PUS7: variants seen among roughly 807,000 people sequenced by gnomAD.
PUS7 encodes pseudouridylate synthase 7 homolog.
In PUS7, 48 loss-of-function variants were observed where a neutral mutation model predicts 79.8. That is an observed-to-expected ratio of 0.60 (90% CI 0.48 to 0.76). PUS7 has a LOEUF of 0.76. Ranked by LOEUF, PUS7 falls within the 30% of genes least tolerant of loss-of-function variation. The pLI, the probability that PUS7 is intolerant of heterozygous loss-of-function variation, is 0.00. For synonymous variants in PUS7, 286 were observed against 272.2 expected, an observed-to-expected ratio of 1.05 and a Z score of -0.50; for missense variants, 729 against 797.6, an observed-to-expected ratio of 0.91 and a Z score of 1.04.
At chr7:105,475,865 C>T (rs1824087332) in intron 9 of PUS7, among the ~76,000 whole-genome samples, 2 of 152,126 alleles carry the variant, frequency 1.3e-5, no homozygotes, top group Non-Finnish European at 2.9e-5. Context: ...AGCCCCCTAA[C>T]CTCTGTAAGA....
chr7:105,505,948 T>G lies in PUS7; in HGVS notation c.585+7A>C, dbSNP rs1263029371. On this transcript the variant is annotated splice_region_variant and intron_variant, in intron 4 of 15. Transcript: ENST00000469408. ...AATAATTTTTCATATATTTTTGCAT[T>G]AGTTACCTCAATGGCAACACTGGTT... is the stretch of plus-strand genomic sequence containing the variant. 1 of 1,594,536 alleles carries G rather than the reference T, an allele frequency of 6.3e-7. No individual in the cohort carries two copies. The highest frequency in any genetic ancestry group is 1.4e-5 in the African/African-American group (1 of 73,994).
At chr7:105,511,266 C>T (rs1281437679) in intron 1 of PUS7, among the ~76,000 whole-genome samples, 2 of 151,184 alleles carry the variant, frequency 1.3e-5, no homozygotes, top group Admixed American at 1.3e-4. Context: ...AACTCCTGAC[C>T]TCATGATTTG....
At position 105,457,433 on chromosome 7, in the gene PUS7, T is replaced by C. The variant is rs1447355177; in HGVS notation, c.*357A>G. On this transcript the variant is annotated 3_prime_UTR_variant, in exon 16 of 16. Transcript: ENST00000469408. Reference sequence around the variant, plus strand: ...TTAAAATGCATTGTTGTATACTCCATCACAGATGTGTCAAATACTCCTGCT... The same window carrying C: ...TTAAAATGCATTGTTGTATACTCCACCACAGATGTGTCAAATACTCCTGCT... 1 of 166,946 alleles carries C rather than the reference T, an allele frequency of 6.0e-6. No individual in the cohort carries two copies. The highest frequency in any genetic ancestry group is 2.4e-5 in the African/African-American group (1 of 41,766). 10.3% of individuals were successfully genotyped at this position (166,946 alleles called of 1,614,324 possible).
At chr7:105,491,699 A>C (rs1318851081) in intron 6 of PUS7, 82 bp from the exon 7 acceptor site, 1 of 799,012 alleles carries the variant, frequency 1.3e-6, no homozygotes, top group African/African-American at 1.8e-5. Flanking sequence ...TTTAAGTTTT[A>C]ATATAAACAT....
At chr7:105,460,307 C>G (rs7807869) in intron 14 of PUS7, among the ~76,000 whole-genome samples, 1 of 152,058 alleles carries the variant, frequency 6.6e-6, no homozygotes, top group African/African-American at 2.4e-5. Context: ...AAATTACTTA[C>G]GGCATTTACA....
intron 13 of PUS7, among the ~76,000 whole-genome samples, chr7:105,463,183 A>AC (rs1157728582): frequency 6.6e-6 from 1 of 152,182 alleles, no homozygotes; most frequent in Non-Finnish European, 1.5e-5. Context: ...TCACCCGCGC[A>AC]CCTGATGTAG....
In PUS7 at chr7:105,495,098, T is replaced by C. The variant is rs76888161; in HGVS notation, c.842+44A>G. ...TTAGCATGGAAAAAGGAATATACGT[T>C]TCTGTTGCTTTGATTTTGTATAGGC... On this transcript the variant is annotated intron_variant, in intron 6 of 15. Transcript: ENST00000469408. 63,103 of 1,164,100 alleles carry C rather than the reference T, an allele frequency of 0.054. 2,177 individuals are homozygous for C. Among genetic ancestry groups the C allele is most frequent in the South Asian group, 0.11 (8,281 of 73,912 alleles). 72.1% of individuals were successfully genotyped at this position (1,164,100 alleles called of 1,614,324 possible).
chr7:105,474,612 CA>C (rs10540161), intron 9 of PUS7, among the ~76,000 whole-genome samples: 5,597 of 126,296 alleles, frequency 0.044, 128 homozygotes, highest in East Asian at 0.12. Flanking sequence ...ACTAAAAATA[CA>C]AAAAAAAAAA....
chr7:105,489,668 A>G (rs1486904860), intron 7 of PUS7, among the ~76,000 whole-genome samples: 1 of 152,224 alleles, frequency 6.6e-6, no homozygotes, highest in African/African-American at 2.4e-5. Context: ...CAAGGAAGAA[A>G]AAGAACTGGA....
chr7:105,473,045 GC>G (rs1198129625), intron 9 of PUS7, among the ~76,000 whole-genome samples: 3 of 150,908 alleles, frequency 2.0e-5, no homozygotes, highest in Non-Finnish European at 4.4e-5. Context: ...ACAGGCATAA[GC>G]CCCCGTGCCC....
At chr7:105,478,736 G>A (rs1196067212) in intron 9 of PUS7, among the ~76,000 whole-genome samples, 1 of 152,206 alleles carries the variant, frequency 6.6e-6, no homozygotes, top group Non-Finnish European at 1.5e-5. Context: ...TAAACTGAAA[G>A]TCTGTTTTTT....
intron 13 of PUS7, among the ~76,000 whole-genome samples, chr7:105,464,562 T>C (rs1251079739): frequency 1.3e-5 from 2 of 152,214 alleles, no homozygotes; most frequent in African/African-American, 4.8e-5. Context: ...CTTCTTCGCC[T>C]GTCTCTGGAT....
At chr7:105,514,940 G>A (rs1586185049) in intron 1 of PUS7, among the ~76,000 whole-genome samples, 1 of 151,974 alleles carries the variant, frequency 6.6e-6, no homozygotes, top group East Asian at 2.0e-4. Context: ...GACTACAGGC[G>A]CCCGCCACCA....
intron 6 of PUS7, 140 bp downstream of exon 6, chr7:105,495,002 A>C (rs1215255370): frequency 1.9e-6 from 1 of 521,814 alleles, no homozygotes; most frequent in African/African-American, 2.0e-5. Flanking sequence ...AGAAAGAAAG[A>C]AAGAAAGAAA....
intron 7 of PUS7, among the ~76,000 whole-genome samples, chr7:105,487,249 G>A (rs6971072): frequency 0.18 from 26,647 of 151,850 alleles, 2,337 homozygotes; most frequent in African/African-American, 0.2. Flanking sequence ...AGTCACTCCC[G>A]TTTCCTCTCC....
intron 1 of PUS7, among the ~76,000 whole-genome samples, chr7:105,514,817 A>G (rs1825832940): frequency 6.8e-6 from 1 of 147,414 alleles, no homozygotes; most frequent in African/African-American, 2.5e-5. Context: ...TTTGAGACGG[A>G]GTCTCGCTTT....
chr7:105,460,803 G>A (rs796899616), intron 14 of PUS7, among the ~76,000 whole-genome samples: 2 of 139,474 alleles, frequency 1.4e-5, no homozygotes, highest in Admixed American at 7.6e-5. Context: ...GCAGTGAGCC[G>A]AGATCGCGCC....
intron 9 of PUS7, among the ~76,000 whole-genome samples, chr7:105,477,340 C>T (rs1211235140): frequency 1.3e-5 from 2 of 152,010 alleles, no homozygotes; most frequent in Admixed American, 6.6e-5. Context: ...CTCTGCCTCC[C>T]GGGCTAAAGC....
At chr7:105,503,136 AT>A (rs1281703696) in intron 4 of PUS7, among the ~76,000 whole-genome samples, 2 of 152,176 alleles carry the variant, frequency 1.3e-5, no homozygotes, top group Admixed American at 6.5e-5. Context: ...TCATAACACC[AT>A]TATATCTATT....
Sources: gnomAD v4.1 joint callset for allele counts (sites outside exome capture counted in the v4.1 genomes callset) on GRCh38, gnomAD v4.1.1 for gene constraint, MANE v1.5 for transcripts, NCBI Gene and HGNC (gene_info 2026-07-23, HGNC 2026-07-21) for gene names.